CACNA2D3: variants seen among roughly 807,000 people sequenced by gnomAD.
CACNA2D3 encodes the protein calcium voltage-gated channel auxiliary subunit alpha2delta 3, also known as voltage-dependent calcium channel subunit alpha-2/delta-3.
CACNA2D3 carries 60 observed loss-of-function variants against 160.6 expected under a neutral mutation model. The ratio of observed to expected loss-of-function variants is 0.37; its 90% CI spans 0.30 to 0.46. CACNA2D3 has a LOEUF of 0.46. Among genes scored for constraint, CACNA2D3 ranks in the 20% least tolerant of loss-of-function variants. The pLI is 1.00. For synonymous variants in CACNA2D3, 558 were observed against 492.9 expected (o/e 1.13, Z -1.75); for missense variants, 1,205 against 1,365.0 (o/e 0.88, Z 1.85).
intron 11 of CACNA2D3, among the ~76,000 whole-genome samples, chr3:54,718,312 T>C (rs952714829): frequency 1.3e-5 from 2 of 152,116 alleles, no homozygotes; most frequent in Admixed American, 6.5e-5. Context: ...CATATTTCCC[T>C]GCCCCAATGG....
At chr3:54,219,551 G>C (rs1397520777) in intron 2 of CACNA2D3, among the ~76,000 whole-genome samples, 1 of 152,078 alleles carries the variant, frequency 6.6e-6, no homozygotes, top group Non-Finnish European at 1.5e-5. Context: ...GTACCCCTTG[G>C]GTTTCTCTTC....
At chr3:54,529,606 T>C (rs1575505577) in intron 5 of CACNA2D3, among the ~76,000 whole-genome samples, 1 of 152,198 alleles carries the variant, frequency 6.6e-6, no homozygotes, top group South Asian at 2.1e-4. Context: ...CAGGTTGTTC[T>C]GGAGAGGCTT....
At chr3:54,466,934 T>C (rs570455993) in intron 4 of CACNA2D3, among the ~76,000 whole-genome samples, 215 of 152,360 alleles carry the variant, frequency 1.4e-3, no homozygotes, top group African/African-American at 5.0e-3. Context: ...GTTCAGATGG[T>C]CCTGCTGGGT....
chr3:54,715,555 C>T (rs1488538166), intron 11 of CACNA2D3, among the ~76,000 whole-genome samples: 1 of 152,000 alleles, frequency 6.6e-6, no homozygotes, highest in Non-Finnish European at 1.5e-5. Context: ...ATTTCCAGTC[C>T]TCTAATCAGA....
intron 2 of CACNA2D3, among the ~76,000 whole-genome samples, chr3:54,145,828 CTT>C (rs1331366191): frequency 6.6e-6 from 1 of 152,216 alleles, no homozygotes; most frequent in Non-Finnish European, 1.5e-5. Flanking sequence ...CATTGCCTCT[CTT>C]CTCTCCGGGA....
chr3:54,513,755 A>C (rs1383308141), intron 5 of CACNA2D3, among the ~76,000 whole-genome samples: 2 of 152,172 alleles, frequency 1.3e-5, no homozygotes, highest in African/African-American at 4.8e-5. Context: ...ATCTCAGCTC[A>C]TTGCAACCTC....
Position 54,255,301 on chromosome 3 carries a change from T to A in CACNA2D3, c.205-65141T>A, listed in dbSNP as rs570293678. ...ACTTGGAATTCACTCAGGCATCTTATAGAGCTTTGATACATCAGAGGGGGA... is the reference window on the plus strand; with the variant it reads ...ACTTGGAATTCACTCAGGCATCTTAAAGAGCTTTGATACATCAGAGGGGGA... On this transcript the variant is annotated intron_variant, in intron 2 of 37. Coordinates refer to ENST00000474759, the MANE Select transcript of CACNA2D3 (RefSeq NM_018398.3). Among the ~76,000 whole-genome samples, 12 of 152,304 alleles carry A rather than the reference T, an allele frequency of 7.9e-5. No individual in the cohort carries two copies. The East Asian group carries it at 1.7e-3, about 22-fold the overall frequency.
intron 12 of CACNA2D3, among the ~76,000 whole-genome samples, chr3:54,763,697 G>GTA (rs1364245926): frequency 2.3e-4 from 29 of 125,972 alleles, no homozygotes; most frequent in Non-Finnish European, 3.6e-4. Context: ...GTGTATATAT[G>GTA]TATATATGTA....
At chr3:55,027,252 C>G (rs1199066265) in intron 35 of CACNA2D3, among the ~76,000 whole-genome samples, 5 of 152,086 alleles carry the variant, frequency 3.3e-5, no homozygotes, top group African/African-American at 9.7e-5. Flanking sequence ...AGAGTGGAAC[C>G]CTTTTATTCT....
At chr3:54,718,418 T>G (rs1701103204) in intron 11 of CACNA2D3, among the ~76,000 whole-genome samples, 1 of 152,196 alleles carries the variant, frequency 6.6e-6, no homozygotes, top group African/African-American at 2.4e-5. Flanking sequence ...TAATTATGGC[T>G]TATTTTTCTC....
chr3:54,884,150 GAAGA>G (rs1341922887), intron 21 of CACNA2D3, among the ~76,000 whole-genome samples: 1 of 152,156 alleles, frequency 6.6e-6, no homozygotes, highest in Admixed American at 6.5e-5. Context: ...AGGAAAAAAA[GAAGA>G]AAGGCTGCAC....
At chr3:54,309,558 C>A (rs73841956) in intron 2 of CACNA2D3, among the ~76,000 whole-genome samples, 1 of 152,104 alleles carries the variant, frequency 6.6e-6, no homozygotes, top group Non-Finnish European at 1.5e-5. Flanking sequence ...CAGCTGCTCT[C>A]GGGGACAGCC....
At position 54,854,134 on chromosome 3, in the gene CACNA2D3, A is replaced by G. The variant is rs530465755; in HGVS notation, c.1626+7667A>G. Among the ~76,000 whole-genome samples the G allele has an allele frequency of 7.4e-4, 113 of 152,358 alleles. No individual in the cohort carries two copies. In the South Asian group the frequency reaches 0.01, roughly 14 times the overall value. ...GTCCATTTCGTTTAGTTTCAAAGAA[A>G]GAATTAACAGAGGCTTAGTAAGTGT... On this transcript the variant is annotated intron_variant, in intron 17 of 37. Transcript: ENST00000474759.
intron 2 of CACNA2D3, among the ~76,000 whole-genome samples, chr3:54,204,997 TA>T (rs1367247392): frequency 1.3e-5 from 2 of 152,094 alleles, no homozygotes; most frequent in African/African-American, 4.8e-5. Context: ...ATTGCCATTA[TA>T]AAAAATCCAG....
intron 35 of CACNA2D3, among the ~76,000 whole-genome samples, chr3:55,032,501 C>T (rs1011510456): frequency 6.6e-6 from 1 of 152,274 alleles, no homozygotes; most frequent in African/African-American, 2.4e-5. Flanking sequence ...GTTTAATCAT[C>T]TCTTTCTTAG....
At chr3:54,987,361 A>G (rs916947619) in intron 30 of CACNA2D3, among the ~76,000 whole-genome samples, 3 of 152,200 alleles carry the variant, frequency 2.0e-5, no homozygotes, top group African/African-American at 7.2e-5. Context: ...ACACGGGATT[A>G]TGTGCATATT....
At chr3:54,727,461 T>C (rs1243859100) in intron 11 of CACNA2D3, among the ~76,000 whole-genome samples, 3 of 152,224 alleles carry the variant, frequency 2.0e-5, no homozygotes, top group Non-Finnish European at 4.4e-5. Flanking sequence ...TGCACACATA[T>C]GTTTATTGCA....
intron 27 of CACNA2D3, among the ~76,000 whole-genome samples, chr3:54,949,513 G>A (rs184939825): frequency 2.7e-4 from 41 of 152,222 alleles, no homozygotes; most frequent in African/African-American, 8.7e-4. Flanking sequence ...AGCAGGTTGG[G>A]TTCAATGGCC....
intron 9 of CACNA2D3, among the ~76,000 whole-genome samples, chr3:54,608,748 T>G (rs542462810): frequency 1.5e-3 from 222 of 152,334 alleles, no homozygotes; most frequent in African/African-American, 5.1e-3. Flanking sequence ...CCAAATTTCT[T>G]TGCGCAATAA....
Sources: gnomAD v4.1 joint callset for allele counts (sites outside exome capture counted in the v4.1 genomes callset) on GRCh38, gnomAD v4.1.1 for gene constraint, MANE v1.5 for transcripts, NCBI Gene and HGNC (gene_info 2026-07-23, HGNC 2026-07-21) for gene names.